The following VSTM4 variants were observed in gnomAD, a reference collection of about 807,000 sequenced individuals.
The protein encoded by VSTM4 is V-set and transmembrane domain-containing protein 4.
A neutral mutation model predicts 36.4 loss-of-function variants in VSTM4; 20 were observed. That is an observed-to-expected ratio of 0.55 (90% CI 0.39 to 0.80). VSTM4 has a LOEUF of 0.80. Ranked by LOEUF, VSTM4 falls within the 30% of genes least tolerant of loss-of-function variation. VSTM4 has a pLI of 0.00. For missense variants in VSTM4, 392 were observed against 404.5 expected (o/e 0.97, Z 0.26); for synonymous variants, 182 against 173.9 (o/e 1.05, Z -0.37).
At chr10:49,029,430 A>G (rs1843312164) in intron 7 of VSTM4, among the ~76,000 whole-genome samples, 2 of 152,352 alleles carry the variant, frequency 1.3e-5, no homozygotes, top group Non-Finnish European at 1.5e-5. Flanking sequence ...CTCAGAAAAC[A>G]CTAATTTTCA....
intron 7 of VSTM4, 26 bp downstream of exon 7, chr10:49,046,957 T>C (rs755487387): frequency 3.7e-6 from 6 of 1,609,064 alleles, no homozygotes; most frequent in Admixed American, 1.7e-5. Context: ...TAAGGTATGA[T>C]AGGAATACAG....
intron 5 of VSTM4, among the ~76,000 whole-genome samples, chr10:49,057,059 G>A (rs1041633769): frequency 2.0e-5 from 3 of 151,920 alleles, no homozygotes; most frequent in Non-Finnish European, 2.9e-5. Context: ...ACTAGATCTC[G>A]TGTGAATTCA....
At chr10:49,066,270 A>T (rs1843972383) in intron 4 of VSTM4, among the ~76,000 whole-genome samples, 1 of 152,246 alleles carries the variant, frequency 6.6e-6, no homozygotes, top group African/African-American at 2.4e-5. Flanking sequence ...ATTGAAACGT[A>T]AATGAGACAT....
At chr10:49,092,934 C>T (rs983595466) in intron 2 of VSTM4, among the ~76,000 whole-genome samples, 5 of 152,072 alleles carry the variant, frequency 3.3e-5, no homozygotes, top group African/African-American at 1.2e-4. Context: ...AGAGTTTGGC[C>T]GAGGCAGTCA....
At chr10:49,112,828 T>C (rs1844921455) in intron 1 of VSTM4, among the ~76,000 whole-genome samples, 1 of 152,256 alleles carries the variant, frequency 6.6e-6, no homozygotes, top group Non-Finnish European at 1.5e-5. Context: ...TTCCTGTGGA[T>C]AAAAGTTAAG....
intron 7 of VSTM4, among the ~76,000 whole-genome samples, chr10:49,042,177 C>T (rs995857221): frequency 6.6e-6 from 1 of 152,148 alleles, no homozygotes; most frequent in Admixed American, 6.5e-5. Context: ...TGGGATGCTC[C>T]AAGGCCAAGG....
intron 5 of VSTM4, among the ~76,000 whole-genome samples, chr10:49,053,802 C>T (rs1843734629): frequency 6.6e-6 from 1 of 152,244 alleles, no homozygotes; most frequent in East Asian, 1.9e-4. Context: ...TTGACAGCTG[C>T]CCTCCCACTA....
chr10:49,061,917 G>C (rs1843884604), intron 5 of VSTM4, among the ~76,000 whole-genome samples: 1 of 152,066 alleles, frequency 6.6e-6, no homozygotes, highest in Non-Finnish European at 1.5e-5. Flanking sequence ...ATTATTGTTT[G>C]TTTTCTGGTT....
chr10:49,108,039 G>C (rs1202605984), intron 1 of VSTM4, 44 bp from the exon 2 acceptor site: 1 of 1,512,890 alleles, frequency 6.6e-7, no homozygotes, highest in Non-Finnish European at 8.9e-7. Flanking sequence ...AGGGCCCCAA[G>C]TCCCCCTGTG....
At chr10:49,044,291 G>A (rs191316052) in intron 7 of VSTM4, among the ~76,000 whole-genome samples, 31 of 151,912 alleles carry the variant, frequency 2.0e-4, no homozygotes, top group Admixed American at 2.6e-4. Flanking sequence ...TAGTACCACT[G>A]CATTCCAGCT....
intron 5 of VSTM4, among the ~76,000 whole-genome samples, chr10:49,050,155 T>C (rs1843675734): frequency 1.3e-5 from 2 of 152,240 alleles, no homozygotes; most frequent in Admixed American, 1.3e-4. Flanking sequence ...GAAAGATGCA[T>C]TGCTAAGTGG....
intron 3 of VSTM4, among the ~76,000 whole-genome samples, chr10:49,083,979 C>T (rs995350984): frequency 6.6e-6 from 1 of 152,182 alleles, no homozygotes; most frequent in Non-Finnish European, 1.5e-5. Context: ...ATACATAAGG[C>T]TCCAGCTGTC....
At chr10:49,077,450 G>T in intron 3 of VSTM4, 124 bp from the exon 4 acceptor site, 1 of 831,984 alleles carries the variant, frequency 1.2e-6, no homozygotes, top group Non-Finnish European at 1.9e-6. Flanking sequence ...AGGCAGTGTG[G>T]TATTGGTGCA....
At chr10:49,024,686 G>A (rs1028950312) in intron 7 of VSTM4, among the ~76,000 whole-genome samples, 7 of 152,192 alleles carry the variant, frequency 4.6e-5, no homozygotes, top group Admixed American at 2.6e-4. Context: ...TGCTGAACAT[G>A]TGTGTGCTGA....
chr10:49,043,130 A>C (rs945961264), intron 7 of VSTM4, among the ~76,000 whole-genome samples: 14 of 152,252 alleles, frequency 9.2e-5, no homozygotes, highest in African/African-American at 3.4e-4. Flanking sequence ...TGCACTGTCC[A>C]ATGTGGTAGC....
chr10:49,026,017 G>A (rs564709706), intron 7 of VSTM4, among the ~76,000 whole-genome samples: 1 of 152,328 alleles, frequency 6.6e-6, no homozygotes, highest in South Asian at 2.1e-4. Context: ...AGGTTTCAAG[G>A]TAGAAGACAG....
chr10:49,102,237 A>T, intron 2 of VSTM4: 1 of 209,342 alleles, frequency 4.8e-6, no homozygotes, highest in Non-Finnish European at 8.3e-6. Flanking sequence ...TCCTGGGTTT[A>T]AGCAATTCTT....
At chr10:49,105,948 GGC>G (rs1433331784) in intron 2 of VSTM4, among the ~76,000 whole-genome samples, 3 of 151,954 alleles carry the variant, frequency 2.0e-5, no homozygotes, top group Non-Finnish European at 4.4e-5. Context: ...GTGGGTTCTT[GGC>G]CCAGCCCTTG....
intron 4 of VSTM4, among the ~76,000 whole-genome samples, chr10:49,066,767 A>G (rs1239063065): frequency 6.6e-6 from 1 of 152,176 alleles, no homozygotes; most frequent in African/African-American, 2.4e-5. Context: ...AAGTTTACTA[A>G]TTGTGCAATA....
Sources: allele counts gnomAD v4.1 joint callset (sites outside exome capture counted in the v4.1 genomes callset), GRCh38; gene constraint gnomAD v4.1.1; transcripts MANE v1.5; gene names NCBI Gene and HGNC (gene_info 2026-07-23, HGNC 2026-07-21).